Variants in CFAP299 observed in about 807,000 individuals in gnomAD.
The protein encoded by CFAP299 is cilia- and flagella-associated protein 299.
In CFAP299, 21 loss-of-function variants were observed where a neutral mutation model predicts 27.0. The observed-to-expected ratio is 0.78, with a 90% CI of 0.55 to 1.12. The LOEUF is 1.12. Ranked by LOEUF, CFAP299 falls within the 50% of genes most tolerant of loss-of-function variation. The pLI is 0.00. For missense variants in CFAP299, 310 were observed against 276.6 expected (o/e 1.12, Z -0.86); for synonymous variants, 104 against 98.1 (o/e 1.06, Z -0.36).
intron 2 of CFAP299, among the ~76,000 whole-genome samples, chr4:80,400,434 G>T (rs1351909937): frequency 2.6e-5 from 4 of 152,072 alleles, no homozygotes; most frequent in African/African-American, 9.7e-5. Context: ...GGGACCCAAG[G>T]GGAGTTAATT....
intron 5 of CFAP299, among the ~76,000 whole-genome samples, chr4:80,954,992 T>A (rs1578265845): frequency 3.0e-5 from 2 of 67,620 alleles, no homozygotes; most frequent in African/African-American, 6.5e-5. Context: ...AGAGCAAGAC[T>A]CCATCAAAAA....
intron 2 of CFAP299, among the ~76,000 whole-genome samples, chr4:80,412,817 G>A (rs1193131285): frequency 2.0e-5 from 3 of 152,038 alleles, no homozygotes; most frequent in African/African-American, 7.2e-5. Flanking sequence ...CCAAATCCCT[G>A]GTTAAAGTAA....
intron 3 of CFAP299, among the ~76,000 whole-genome samples, chr4:80,594,540 AC>A (rs1736957133): frequency 6.6e-6 from 1 of 152,038 alleles, no homozygotes; most frequent in African/African-American, 2.4e-5. Flanking sequence ...TCTAGAACAT[AC>A]CTCATGTTAA....
At chr4:80,560,563 T>C (rs1173995396) in intron 2 of CFAP299, among the ~76,000 whole-genome samples, 1 of 151,914 alleles carries the variant, frequency 6.6e-6, no homozygotes, top group Non-Finnish European at 1.5e-5. Flanking sequence ...GAACCTGCCC[T>C]AGGCCAGAGG....
At chr4:80,813,827 A>T (rs1326826336) in intron 3 of CFAP299, among the ~76,000 whole-genome samples, 1 of 152,042 alleles carries the variant, frequency 6.6e-6, no homozygotes, top group Non-Finnish European at 1.5e-5. Context: ...AAACTTTGAT[A>T]TAATTTATTA....
intron 3 of CFAP299, among the ~76,000 whole-genome samples, chr4:80,715,689 C>T (rs755196804): frequency 1.6e-4 from 24 of 151,992 alleles, no homozygotes; most frequent in Admixed American, 5.2e-4. Flanking sequence ...ATAAAATGTA[C>T]GTTTTTCTTT....
chr4:80,774,867 A>G (rs1726434430), intron 3 of CFAP299, among the ~76,000 whole-genome samples: 1 of 151,990 alleles, frequency 6.6e-6, no homozygotes, highest in South Asian at 2.1e-4. Flanking sequence ...TCACAGTCAC[A>G]CTTATGAAAT....
At chr4:80,489,990 T>C (rs754869623) in intron 2 of CFAP299, among the ~76,000 whole-genome samples, 7 of 152,312 alleles carry the variant, frequency 4.6e-5, no homozygotes, top group Non-Finnish European at 8.8e-5. Flanking sequence ...TCAAATTAGG[T>C]ATCTGGCTTA....
intron 2 of CFAP299, among the ~76,000 whole-genome samples, chr4:80,444,341 A>G (rs1430413621): frequency 6.6e-6 from 1 of 152,202 alleles, no homozygotes; most frequent in African/African-American, 2.4e-5. Flanking sequence ...ATATAGGCCA[A>G]TGGAACAGAA....
intron 4 of CFAP299, among the ~76,000 whole-genome samples, chr4:80,874,315 C>T (rs921096671): frequency 6.6e-6 from 1 of 152,072 alleles, no homozygotes; most frequent in South Asian, 2.1e-4. Context: ...GGAGACTTGC[C>T]GCAACTACCT....
At chr4:80,681,854 C>T (rs1719865008) in intron 3 of CFAP299, among the ~76,000 whole-genome samples, 1 of 152,074 alleles carries the variant, frequency 6.6e-6, no homozygotes, top group African/African-American at 2.4e-5. Context: ...ATTTTTATGT[C>T]TACATTCATG....
At chr4:80,400,496 T>C (rs943362997) in intron 2 of CFAP299, among the ~76,000 whole-genome samples, 1 of 152,162 alleles carries the variant, frequency 6.6e-6, no homozygotes, top group Non-Finnish European at 1.5e-5. Context: ...TGAATAAGTC[T>C]CACGAGATCT....
At chr4:80,646,974 A>C (rs993485591) in intron 3 of CFAP299, among the ~76,000 whole-genome samples, 16 of 57,598 alleles carry the variant, frequency 2.8e-4, no homozygotes, top group Non-Finnish European at 4.5e-4. Context: ...TCTTTGAGAG[A>C]GAGAGAGAGA....
rs140531460 is a variant in CFAP299, at chr4:80,461,472, C to T, written c.242+98588C>T. On this transcript the variant is annotated intron_variant, in intron 2 of 5. Transcript: ENST00000358105. ...ATACTTAGATTTCTTTCAGGGCCTG[C>T]TGTCTGTCATGTTGGTATCTTACTG... is the stretch of plus-strand genomic sequence containing the variant. 1.8e-4 allele frequency among the ~76,000 whole-genome samples: 28 copies of T among 152,224 alleles called. No individual in the cohort carries two copies. In the East Asian group the frequency reaches 5.4e-3, roughly 29 times the overall value.
intron 3 of CFAP299, among the ~76,000 whole-genome samples, chr4:80,686,388 C>A (rs1720197576): frequency 6.6e-6 from 1 of 152,152 alleles, no homozygotes; most frequent in South Asian, 2.1e-4. Flanking sequence ...TTATGCTTCT[C>A]TAGATTTCTG....
At chr4:80,734,713 T>C (rs1466396648) in intron 3 of CFAP299, among the ~76,000 whole-genome samples, 1 of 152,146 alleles carries the variant, frequency 6.6e-6, no homozygotes, top group African/African-American at 2.4e-5. Context: ...CACTGATCAT[T>C]GAAGAGACTG....
At chr4:80,612,287 C>T (rs974441337) in intron 3 of CFAP299, among the ~76,000 whole-genome samples, 3 of 151,958 alleles carry the variant, frequency 2.0e-5, no homozygotes, top group African/African-American at 7.3e-5. Context: ...GAAAAACAGA[C>T]CCTAAAACTC....
chr4:80,846,484 G>A (rs1052218763), intron 3 of CFAP299, among the ~76,000 whole-genome samples: 2 of 152,024 alleles, frequency 1.3e-5, no homozygotes, highest in Non-Finnish European at 1.5e-5. Context: ...GATTTACTCT[G>A]GTGCCTATAC....
At chr4:80,842,652 T>C (rs189041894) in intron 3 of CFAP299, among the ~76,000 whole-genome samples, 1 of 152,236 alleles carries the variant, frequency 6.6e-6, no homozygotes, top group East Asian at 1.9e-4. Flanking sequence ...AAGTGGGATA[T>C]GGAAAGACAC....
Sources: gnomAD v4.1 joint callset for allele counts (sites outside exome capture counted in the v4.1 genomes callset) on GRCh38, gnomAD v4.1.1 for gene constraint, MANE v1.5 for transcripts, NCBI Gene and HGNC (gene_info 2026-07-23, HGNC 2026-07-21) for gene names.